DSCAM: variants seen among roughly 807,000 people sequenced by gnomAD.
DSCAM encodes the protein cell adhesion molecule DSCAM.
Under a neutral mutation model 217.7 loss-of-function variants are expected in DSCAM, and 47 were observed. The observed-to-expected ratio is 0.22, with a 90% CI of 0.17 to 0.28. The LOEUF is 0.28. DSCAM is among the 10% of genes least tolerant of loss of function. The pLI is 1.00. For missense variants in DSCAM, 2,080 were observed against 2,618.3 expected (o/e 0.79, Z 4.49); for synonymous variants, 1,056 against 1,015.3 (o/e 1.04, Z -0.76).
chr21:40,192,712 A>G (rs764579869), intron 11 of DSCAM, among the ~76,000 whole-genome samples: 1 of 152,182 alleles, frequency 6.6e-6, no homozygotes, highest in Admixed American at 6.5e-5. Context: ...TTCACTAAGC[A>G]TAATGTTGTC....
chr21:40,310,333 G>C (rs2074123985), intron 9 of DSCAM, among the ~76,000 whole-genome samples: 1 of 152,222 alleles, frequency 6.6e-6, no homozygotes, highest in Non-Finnish European at 1.5e-5. Flanking sequence ...AGATTCTACA[G>C]AACTGTCTGG....
Position 40,136,596 on chromosome 21 carries a change from C to G in DSCAM, c.3407-2587G>C, listed in dbSNP as rs73904706. On this transcript the variant is annotated intron_variant, in intron 18 of 32. Transcript: ENST00000400454. ...CAAAGATCACACACGTACCTCCCTA[C>G]AGATATATACACACGCAATCAATAA... is the stretch of plus-strand genomic sequence containing the variant. Among the ~76,000 whole-genome samples the G allele has an allele frequency of 9.4e-3, 1,428 of 152,302 alleles. 20 individuals carry two copies. Among genetic ancestry groups the G allele is most frequent in the African/African-American group, 0.033 (1,372 of 41,556 alleles).
chr21:40,501,069 T>A (rs1448139260), intron 3 of DSCAM, among the ~76,000 whole-genome samples: 1 of 152,216 alleles, frequency 6.6e-6, no homozygotes, highest in Non-Finnish European at 1.5e-5. Flanking sequence ...AAAGGTAGAA[T>A]TAGTAGTCTC....
chr21:40,356,757 C>A (rs2074697820), intron 4 of DSCAM, among the ~76,000 whole-genome samples: 1 of 152,118 alleles, frequency 6.6e-6, no homozygotes, highest in African/African-American at 2.4e-5. Flanking sequence ...AGCTTCTGGA[C>A]TTATATACAA....
chr21:40,239,479 C>T (rs1305446596), intron 11 of DSCAM, among the ~76,000 whole-genome samples: 1 of 152,132 alleles, frequency 6.6e-6, no homozygotes, highest in Admixed American at 6.5e-5. Flanking sequence ...AAAGAAGAGG[C>T]TCCTTCTAAG....
intron 3 of DSCAM, among the ~76,000 whole-genome samples, chr21:40,582,517 T>C (rs1337084393): frequency 6.6e-6 from 1 of 152,224 alleles, no homozygotes; most frequent in African/African-American, 2.4e-5. Flanking sequence ...TAGTATGTAG[T>C]AAACATAGCT....
At chr21:40,134,893 C>T (rs1203534043) in intron 18 of DSCAM, among the ~76,000 whole-genome samples, 1 of 152,202 alleles carries the variant, frequency 6.6e-6, no homozygotes, top group Non-Finnish European at 1.5e-5. Flanking sequence ...GAACTCCTCT[C>T]AGCTTCAATC....
chr21:40,807,761 A>T (rs2123526967), intron 1 of DSCAM, among the ~76,000 whole-genome samples: 1 of 152,166 alleles, frequency 6.6e-6, no homozygotes, highest in Non-Finnish European at 1.5e-5. Context: ...AGAGAGAAAA[A>T]GGGAAGAGGG....
chr21:40,522,427 CA>C (rs1205377226), intron 3 of DSCAM, among the ~76,000 whole-genome samples: 1 of 152,208 alleles, frequency 6.6e-6, no homozygotes, highest in Non-Finnish European at 1.5e-5. Context: ...ATAAATCCTA[CA>C]AAATGTATTT....
At chr21:40,084,991 T>A (rs1486869717) in intron 23 of DSCAM, among the ~76,000 whole-genome samples, 2 of 152,198 alleles carry the variant, frequency 1.3e-5, no homozygotes, top group Admixed American at 6.5e-5. Context: ...ATTTTTCTAC[T>A]AATAAAATAT....
chr21:40,077,659 AC>A (rs1399274860), intron 26 of DSCAM, among the ~76,000 whole-genome samples: 1 of 152,196 alleles, frequency 6.6e-6, no homozygotes, highest in Non-Finnish European at 1.5e-5. Flanking sequence ...GTTATGAGTG[AC>A]TTCATTGAAA....
chr21:40,070,303 AGAAG>A (rs1157891516), intron 27 of DSCAM, among the ~76,000 whole-genome samples: 2 of 127,758 alleles, frequency 1.6e-5, no homozygotes, highest in Non-Finnish European at 3.4e-5. Context: ...GGAAGGAGAG[AGAAG>A]GAAGGAAGGA....
intron 1 of DSCAM, among the ~76,000 whole-genome samples, chr21:40,772,272 G>T (rs1347476634): frequency 1.3e-5 from 2 of 152,142 alleles, no homozygotes; most frequent in Admixed American, 6.5e-5. Flanking sequence ...GGGTGCAAGC[G>T]ATTTTCCTGC....
chr21:40,538,519 A>T (rs1244134451), intron 3 of DSCAM, among the ~76,000 whole-genome samples: 1 of 152,214 alleles, frequency 6.6e-6, no homozygotes, highest in African/African-American at 2.4e-5. Context: ...CACCAAGCAG[A>T]ATTTGGCCCA....
At chr21:40,154,477 C>T (rs1262396035) in intron 16 of DSCAM, among the ~76,000 whole-genome samples, 1 of 152,120 alleles carries the variant, frequency 6.6e-6, no homozygotes, top group Non-Finnish European at 1.5e-5. Flanking sequence ...TGGTCTCCAA[C>T]TCCTGAGCTT....
chr21:40,165,313 C>T (rs547975480), intron 16 of DSCAM, among the ~76,000 whole-genome samples: 1 of 152,210 alleles, frequency 6.6e-6, no homozygotes, highest in African/African-American at 2.4e-5. Context: ...CAGTGGTGTC[C>T]TTTAAAAGCT....
chr21:40,199,146 C>T lies in DSCAM; in HGVS notation c.2357-9908G>A, dbSNP rs2091045044. ...GAAGGCAATGGGTACAGAGGCAAGC[C>T]TTAATGAGGGAAGTGACTAATCCAC... On this transcript the variant is annotated intron_variant, in intron 11 of 32. Coordinates refer to ENST00000400454, the MANE Select transcript of DSCAM (RefSeq NM_001389.5). 2.6e-5 allele frequency among the ~76,000 whole-genome samples: 4 copies of T among 152,144 alleles called. No individual in the cohort carries two copies. The South Asian group carries it at 8.3e-4, about 32-fold the overall frequency.
intron 1 of DSCAM, among the ~76,000 whole-genome samples, chr21:40,759,958 CATTTATTTATTTATTT>C (rs56093065): frequency 0.1 from 13,522 of 135,744 alleles, 979 homozygotes; most frequent in African/African-American, 0.21. Context: ...GATACGTTTA[CATTTATTTATTTATTT>C]ATTTATTTAT....
chr21:40,339,927 A>C (rs1301369676), intron 6 of DSCAM, among the ~76,000 whole-genome samples: 2 of 138,452 alleles, frequency 1.4e-5, no homozygotes, highest in African/African-American at 5.1e-5. Context: ...GAATAAAGGA[A>C]ACTACTGAGA....
Sources: gnomAD v4.1 joint callset for allele counts (sites outside exome capture counted in the v4.1 genomes callset) on GRCh38, gnomAD v4.1.1 for gene constraint, MANE v1.5 for transcripts, NCBI Gene and HGNC (gene_info 2026-07-23, HGNC 2026-07-21) for gene names.